Variants in PITPNC1 observed in about 807,000 individuals in gnomAD.
The protein encoded by PITPNC1 is cytoplasmic phosphatidylinositol transfer protein 1.
PITPNC1 carries 18 observed loss-of-function variants against 44.7 expected under a neutral mutation model. That is an observed-to-expected ratio of 0.40 (90% CI 0.28 to 0.60). The LOEUF is 0.60. PITPNC1 is among the 20% of genes least tolerant of loss of function. The pLI, the probability that PITPNC1 is intolerant of heterozygous loss-of-function variation, is 0.39. For missense variants in PITPNC1, 290 were observed against 418.4 expected, an observed-to-expected ratio of 0.69 and a Z score of 2.68; for synonymous variants, 141 against 149.6, an observed-to-expected ratio of 0.94 and a Z score of 0.42.
At chr17:67,397,515 G>A (rs1206985844) in intron 1 of PITPNC1, among the ~76,000 whole-genome samples, 2 of 152,174 alleles carry the variant, frequency 1.3e-5, no homozygotes, top group Non-Finnish European at 2.9e-5. Flanking sequence ...GTAAAAAGAT[G>A]CAGTGGAGAA....
At chr17:67,548,723 T>C (rs1206081680) in intron 2 of PITPNC1, among the ~76,000 whole-genome samples, 2 of 152,216 alleles carry the variant, frequency 1.3e-5, no homozygotes, top group African/African-American at 2.4e-5. Flanking sequence ...TCAATGTCTC[T>C]AAAGCCTGAG....
chr17:67,605,773 A>G (rs1011255753), intron 5 of PITPNC1, among the ~76,000 whole-genome samples: 5 of 152,214 alleles, frequency 3.3e-5, no homozygotes, highest in Non-Finnish European at 7.3e-5. Context: ...CAGGACATCA[A>G]GTGAAGCCAG....
chr17:67,569,712 A>G (rs1036393160), intron 4 of PITPNC1, among the ~76,000 whole-genome samples: 1 of 152,200 alleles, frequency 6.6e-6, no homozygotes, highest in Non-Finnish European at 1.5e-5. Context: ...CTAAGCTAGA[A>G]AATCAAAGAT....
intron 1 of PITPNC1, among the ~76,000 whole-genome samples, chr17:67,530,551 C>T (rs566404371): frequency 1.3e-5 from 2 of 152,278 alleles, no homozygotes; most frequent in Middle Eastern, 3.4e-3. Context: ...TCTGTAAAGA[C>T]CCTATCTCCA....
At chr17:67,558,870 A>G (rs1357493391) in intron 4 of PITPNC1, among the ~76,000 whole-genome samples, 2 of 152,210 alleles carry the variant, frequency 1.3e-5, no homozygotes, top group African/African-American at 4.8e-5. Context: ...GTATTGAGCC[A>G]CTATGAGAGA....
chr17:67,454,602 A>G (rs531150447), intron 1 of PITPNC1, among the ~76,000 whole-genome samples: 2 of 152,256 alleles, frequency 1.3e-5, no homozygotes, highest in East Asian at 3.9e-4. Flanking sequence ...ATGAACTTGA[A>G]TTATTGCCGT....
chr17:67,526,137 A>T (rs1335760840), intron 1 of PITPNC1, among the ~76,000 whole-genome samples: 1 of 152,200 alleles, frequency 6.6e-6, no homozygotes, highest in Non-Finnish European at 1.5e-5. Context: ...AATGGAGGGA[A>T]AGAAAGAGGA....
Position 67,692,934 on chromosome 17 carries a change from G to GTT in PITPNC1, c.*47_*48dup. Reference sequence around the variant, plus strand: ...GGGTTTTATATTTTCATTTGTTGTTGTTGTTTTTTTTTAAGAATCTTCTGA... The same window carrying GTT: ...GGGTTTTATATTTTCATTTGTTGTTGTTTTGTTTTTTTTTAAGAATCTTCTGA... On this transcript the variant is annotated 3_prime_UTR_variant, in exon 9 of 9. Coordinates refer to ENST00000581322, the MANE Select transcript of PITPNC1 (RefSeq NM_012417.4). The GTT allele has an allele frequency of 4.8e-6, 6 of 1,247,240 alleles. No homozygotes were observed. Among genetic ancestry groups the GTT allele is most frequent in the Non-Finnish European group, 5.6e-6 (5 of 887,286 alleles). 77.3% of individuals were successfully genotyped at this position (1,247,240 alleles called of 1,614,324 possible). A position where few individuals can be genotyped will look rare whatever the true frequency, so the allele number is the denominator to read the frequency against.
intron 1 of PITPNC1, among the ~76,000 whole-genome samples, chr17:67,481,848 C>T (rs889503163): frequency 1.3e-5 from 2 of 151,244 alleles, no homozygotes; most frequent in African/African-American, 4.9e-5. Flanking sequence ...ATTGAGAAAC[C>T]GGACCAATAA....
rs148103942 is a variant in PITPNC1, at chr17:67,643,148, C to T, written c.462+10910C>T. Among the ~76,000 whole-genome samples, 324 of 152,270 alleles carry T rather than the reference C, an allele frequency of 2.1e-3. 2 individuals are homozygous for T. Among genetic ancestry groups the T allele is most frequent in the African/African-American group, 7.5e-3 (313 of 41,544 alleles). On this transcript the variant is annotated intron_variant, in intron 6 of 8. Transcript: ENST00000581322. ...GGTGCAGTGGCTCACGCCTGTAATC[C>T]CAGCACTTTGGGACGCCAAGGCAGG...
In PITPNC1 at chr17:67,425,242, C is replaced by G. The variant is rs1250415584; in HGVS notation, c.48+47040C>G. Among the ~76,000 whole-genome samples the G allele has an allele frequency of 2.3e-4, 27 of 116,210 alleles. 1 individual carries two copies. Among genetic ancestry groups the G allele is most frequent in the African/African-American group, 8.8e-4 (27 of 30,802 alleles). The allele number at this position is 116,210 out of a possible 152,430, so 76.2% of individuals were successfully genotyped here. On this transcript the variant is annotated intron_variant, in intron 1 of 8. Coordinates refer to ENST00000581322, the MANE Select transcript of PITPNC1 (RefSeq NM_012417.4). ...ACACACACACACACACACACACACA[C>G]ACACACACACACACACACACAGAGG...
intron 8 of PITPNC1, among the ~76,000 whole-genome samples, chr17:67,679,021 AG>A (rs1384496929): frequency 1.3e-5 from 2 of 152,232 alleles, no homozygotes; most frequent in East Asian, 3.8e-4. Context: ...CTACTGACTC[AG>A]AAACTCTGAG....
At position 67,487,030 on chromosome 17, in the gene PITPNC1, C is replaced by CT. The variant is rs578131636; in HGVS notation, c.49-45771dup. 1.5e-3 allele frequency among the ~76,000 whole-genome samples: 228 copies of CT among 150,230 alleles called. 2 individuals carry two copies. The highest frequency in any genetic ancestry group is 4.3e-3 in the African/African-American group (176 of 40,910). On this transcript the variant is annotated intron_variant, in intron 1 of 8. Coordinates refer to ENST00000581322, the MANE Select transcript of PITPNC1 (RefSeq NM_012417.4). The stretch of plus-strand genomic sequence containing the variant: ...CCTGGGCAACAGAGCAAGACTCTGT[C>CT]TAAAAAAAAAAGAGTACTGTGGAAT...
At chr17:67,437,663 T>C (rs1385696090) in intron 1 of PITPNC1, among the ~76,000 whole-genome samples, 1 of 152,190 alleles carries the variant, frequency 6.6e-6, no homozygotes, top group African/African-American at 2.4e-5. Flanking sequence ...AGACTGGCCA[T>C]TCTATAGACC....
chr17:67,618,998 G>T (rs1427730049), intron 5 of PITPNC1, among the ~76,000 whole-genome samples: 1 of 152,078 alleles, frequency 6.6e-6, no homozygotes, highest in Non-Finnish European at 1.5e-5. Flanking sequence ...GGTGGATCTT[G>T]CAGTGAGCCG....
intron 1 of PITPNC1, among the ~76,000 whole-genome samples, chr17:67,425,203 G>GCACGCGCACA (rs1555649746): frequency 1.0e-5 from 1 of 98,780 alleles, no homozygotes; most frequent in Non-Finnish European, 2.0e-5. Context: ...GCACGCACAC[G>GCACGCGCACA]CACACACACA....
At chr17:67,631,645 A>ATATATAT (rs1488483852) in intron 5 of PITPNC1, among the ~76,000 whole-genome samples, 3 of 8,000 alleles carry the variant, frequency 3.8e-4, no homozygotes, top group South Asian at 9.6e-3. Flanking sequence ...CAAAAAAAAA[A>ATATATAT]AAAAAAAAAA....
chr17:67,389,259 G>C (rs931400750), intron 1 of PITPNC1, among the ~76,000 whole-genome samples: 1 of 152,248 alleles, frequency 6.6e-6, no homozygotes, highest in East Asian at 1.9e-4. Context: ...TGCAACTTCA[G>C]ATCTCTCCGA....
intron 1 of PITPNC1, among the ~76,000 whole-genome samples, chr17:67,399,617 GA>G (rs1395470291): frequency 6.6e-6 from 1 of 152,134 alleles, no homozygotes; most frequent in African/African-American, 2.4e-5. Flanking sequence ...AAAAGTGAAA[GA>G]ATGTGCATTA....
Sources: gnomAD v4.1 joint callset for allele counts (sites outside exome capture counted in the v4.1 genomes callset) on GRCh38, gnomAD v4.1.1 for gene constraint, MANE v1.5 for transcripts, NCBI Gene and HGNC (gene_info 2026-07-23, HGNC 2026-07-21) for gene names.